Variants in GALNT17 observed in about 807,000 individuals in gnomAD.
GALNT17 encodes polypeptide N-acetylgalactosaminyltransferase 17.
Under a neutral mutation model 63.7 loss-of-function variants are expected in GALNT17, and 29 were observed. That is an observed-to-expected ratio of 0.46 (90% CI 0.34 to 0.62). GALNT17 has a LOEUF of 0.62. Among genes scored for constraint, GALNT17 ranks in the 20% least tolerant of loss-of-function variants. GALNT17 has a pLI of 0.01. For missense variants in GALNT17, 603 were observed against 799.6 expected (o/e 0.75, Z 2.97); for synonymous variants, 305 against 318.3 (o/e 0.96, Z 0.45).
At chr7:71,491,360 G>A (rs73367531) in intron 5 of GALNT17, among the ~76,000 whole-genome samples, 9,356 of 152,018 alleles carry the variant, frequency 0.062, 416 homozygotes, top group African/African-American at 0.13. Flanking sequence ...TCCTAGACAG[G>A]AATGTAAGAA....
intron 6 of GALNT17, among the ~76,000 whole-genome samples, chr7:71,624,133 T>C (rs961873261): frequency 6.6e-6 from 1 of 152,184 alleles, no homozygotes; most frequent in African/African-American, 2.4e-5. Context: ...AGTGAGGTGC[T>C]GATTTCCTGT....
intron 2 of GALNT17, among the ~76,000 whole-genome samples, chr7:71,358,431 A>C (rs551766882): frequency 6.6e-6 from 1 of 152,286 alleles, no homozygotes; most frequent in East Asian, 1.9e-4. Flanking sequence ...TTTGTTACAG[A>C]ACCTGATCTT....
At chr7:71,289,540 A>G (rs1790938867) in intron 1 of GALNT17, among the ~76,000 whole-genome samples, 1 of 151,930 alleles carries the variant, frequency 6.6e-6, no homozygotes, top group African/African-American at 2.4e-5. Context: ...GTTTGAGACC[A>G]GCCTGGCCAA....
chr7:71,173,015 G>A (rs926171400), intron 1 of GALNT17, among the ~76,000 whole-genome samples: 3 of 152,172 alleles, frequency 2.0e-5, no homozygotes, highest in Non-Finnish European at 2.9e-5. Flanking sequence ...CAAAGCTCCT[G>A]TATATTTATT....
Position 71,333,052 on chromosome 7 carries a change from A to G in GALNT17, c.239-2498A>G, listed in dbSNP as rs141063467. On this transcript the variant is annotated intron_variant, in intron 1 of 10. Transcript: ENST00000333538. Reference sequence around the variant, plus strand: ...AGCGTACAGTTTAGTGGCTTGTAGTATCTTCACAAATTTGTGCACCCATCA... The same window carrying G: ...AGCGTACAGTTTAGTGGCTTGTAGTGTCTTCACAAATTTGTGCACCCATCA... Among the ~76,000 whole-genome samples the G allele has an allele frequency of 4.9e-3, 748 of 152,276 alleles. 7 individuals are homozygous for G. Among genetic ancestry groups the G allele is most frequent in the African/African-American group, 0.017 (713 of 41,562 alleles).
chr7:71,573,112 G>A (rs542859951), intron 6 of GALNT17, among the ~76,000 whole-genome samples: 49 of 151,282 alleles, frequency 3.2e-4, no homozygotes, highest in East Asian at 1.4e-3. Context: ...AGGTTCAAAC[G>A]ATTCTCCGGC....
intron 6 of GALNT17, among the ~76,000 whole-genome samples, chr7:71,627,218 T>C (rs1328085936): frequency 6.6e-6 from 1 of 152,170 alleles, no homozygotes; most frequent in Non-Finnish European, 1.5e-5. Flanking sequence ...TACAATGCTG[T>C]GTTCATTACA....
chr7:71,644,256 G>T (rs1189199736), intron 6 of GALNT17, among the ~76,000 whole-genome samples: 1 of 151,776 alleles, frequency 6.6e-6, no homozygotes, highest in Non-Finnish European at 1.5e-5. Flanking sequence ...AAAAATAGAG[G>T]CTGGGCACGG....
At chr7:71,289,765 G>A (rs1423385257) in intron 1 of GALNT17, among the ~76,000 whole-genome samples, 3 of 152,122 alleles carry the variant, frequency 2.0e-5, no homozygotes, top group African/African-American at 7.2e-5. Flanking sequence ...TGTAATCCCA[G>A]CTACTTGGGA....
At chr7:71,218,890 A>G (rs1789533398) in intron 1 of GALNT17, among the ~76,000 whole-genome samples, 1 of 152,110 alleles carries the variant, frequency 6.6e-6, no homozygotes, top group South Asian at 2.1e-4. Context: ...GGTCCCACTG[A>G]TTCTGCATAA....
chr7:71,521,717 C>T (rs916635350), intron 5 of GALNT17, among the ~76,000 whole-genome samples: 3 of 152,200 alleles, frequency 2.0e-5, no homozygotes, highest in African/African-American at 7.2e-5. Context: ...AAAATGGTTT[C>T]TTCCTGATGC....
chr7:71,584,002 C>T (rs190928999), intron 6 of GALNT17, among the ~76,000 whole-genome samples: 159 of 151,744 alleles, frequency 1.0e-3, no homozygotes, highest in African/African-American at 3.6e-3. Context: ...CGTGGTGGCA[C>T]GCGCCTATAA....
chr7:71,635,627 T>C (rs187312998), intron 6 of GALNT17, among the ~76,000 whole-genome samples: 1 of 152,232 alleles, frequency 6.6e-6, no homozygotes, highest in African/African-American at 2.4e-5. Context: ...TTGGATCTCA[T>C]GAAAGAAAGA....
chr7:71,246,459 C>G (rs931071801), intron 1 of GALNT17, among the ~76,000 whole-genome samples: 1 of 151,268 alleles, frequency 6.6e-6, no homozygotes, highest in Non-Finnish European at 1.5e-5. Context: ...TGGAAGCCAC[C>G]TAAAAGACTA....
In GALNT17 at chr7:71,670,111, T is replaced by G; in HGVS notation, c.1404+2T>G. On this transcript the variant is annotated splice_donor_variant, in intron 8 of 10. Coordinates refer to ENST00000333538, the MANE Select transcript of GALNT17 (RefSeq NM_022479.3). LOFTEE classifies it high-confidence loss of function. Reference sequence around the variant, plus strand: ...AATAATACCGTTGCTTACGGGGAGGTAATTCAGACCGTGCATGCTTTTGGC... The same window carrying G: ...AATAATACCGTTGCTTACGGGGAGGGAATTCAGACCGTGCATGCTTTTGGC... The G allele has an allele frequency of 6.2e-7, 1 of 1,613,912 alleles. No individual in the cohort carries two copies.
intron 7 of GALNT17, among the ~76,000 whole-genome samples, chr7:71,666,304 CTG>C (rs1253501899): frequency 1.3e-5 from 2 of 149,520 alleles, no homozygotes; most frequent in Admixed American, 6.7e-5. Context: ...GTATAACCTC[CTG>C]TGTGTGTATA....
intron 2 of GALNT17, among the ~76,000 whole-genome samples, chr7:71,378,398 C>A (rs1792783842): frequency 6.6e-6 from 1 of 152,052 alleles, no homozygotes; most frequent in Admixed American, 6.6e-5. Flanking sequence ...ATAGGGAAGC[C>A]TTGATGAGGA....
Position 71,693,291 on chromosome 7 carries a change from C to T in GALNT17, c.1500+15985C>T, listed in dbSNP as rs1791486763. Among the ~76,000 whole-genome samples, 4 of 121,704 alleles carry T rather than the reference C, an allele frequency of 3.3e-5. No individual in the cohort carries two copies. The East Asian group carries it at 2.7e-3, about 81-fold the overall frequency. 79.8% of individuals were successfully genotyped at this position (121,704 alleles called of 152,430 possible). A position where few individuals can be genotyped will look rare whatever the true frequency, so the allele number is the denominator to read the frequency against. Reference sequence around the variant, plus strand: ...ACACACACACACACACACACACACACACACACACACACACACACATATATA... The same window carrying T: ...ACACACACACACACACACACACACATACACACACACACACACACATATATA... On this transcript the variant is annotated intron_variant, in intron 9 of 10. Coordinates refer to ENST00000333538, the MANE Select transcript of GALNT17 (RefSeq NM_022479.3).
At chr7:71,581,657 AGAG>A (rs1172571475) in intron 6 of GALNT17, among the ~76,000 whole-genome samples, 6 of 152,168 alleles carry the variant, frequency 3.9e-5, no homozygotes, top group Non-Finnish European at 8.8e-5. Flanking sequence ...CCACTGAATG[AGAG>A]GAGTGAATGA....
Sources: allele counts gnomAD v4.1 joint callset (sites outside exome capture counted in the v4.1 genomes callset), GRCh38; gene constraint gnomAD v4.1.1; transcripts MANE v1.5; gene names NCBI Gene and HGNC (gene_info 2026-07-23, HGNC 2026-07-21).